The following TOGARAM2 variants were observed in gnomAD, a reference collection of about 807,000 sequenced individuals.
TOGARAM2 encodes the protein TOG array regulator of axonemal microtubules protein 2.
A neutral mutation model predicts 93.3 loss-of-function variants in TOGARAM2; 85 were observed. The observed-to-expected ratio is 0.91, with a 90% CI of 0.76 to 1.09. The LOEUF is 1.09. Ranked by LOEUF, TOGARAM2 falls within the 50% of genes least tolerant of loss-of-function variation. The probability of loss-of-function intolerance (pLI) is 0.00; values close to 1 mark genes in which losing one functional copy is unlikely to be tolerated. For synonymous variants in TOGARAM2, 593 were observed against 552.8 expected, an observed-to-expected ratio of 1.07 and a Z score of -1.02; for missense variants, 1,277 against 1,334.5, an observed-to-expected ratio of 0.96 and a Z score of 0.67.
chr2:29,000,247 C>T (rs1329052854), intron 4 of TOGARAM2, among the ~76,000 whole-genome samples: 2 of 152,122 alleles, frequency 1.3e-5, no homozygotes, highest in African/African-American at 2.4e-5. Flanking sequence ...TCTCAAGAAA[C>T]GTTTGTTGAG....
At chr2:29,002,388 C>T in intron 4 of TOGARAM2, 148 bp from the exon 5 acceptor site, 1 of 667,898 alleles carries the variant, frequency 1.5e-6, no homozygotes, top group East Asian at 2.7e-5. Context: ...CTCAGTCTAC[C>T]AGTGGTGGGG....
At chr2:29,030,442 TGTAACTCTGCCATGCAACGAAAAAAAAA>T (rs1419378998) in intron 14 of TOGARAM2, among the ~76,000 whole-genome samples, 1 of 152,196 alleles carries the variant, frequency 6.6e-6, no homozygotes, top group Non-Finnish European at 1.5e-5. Flanking sequence ...TAAAGTGTTG[TGTAACTCTGCCATGCAACGAAAAAAAAA>T]AGGACGTAGA....
intron 19 of TOGARAM2, chr2:29,050,041 T>C (rs1024467515): frequency 6.6e-6 from 1 of 152,116 alleles, no homozygotes; most frequent in Non-Finnish European, 1.5e-5. Flanking sequence ...GTGGTCCTGA[T>C]GAAGGAAGGA....
chr2:29,006,102 GTGTGTGGAGTGCA>G (rs1663785107), intron 6 of TOGARAM2, among the ~76,000 whole-genome samples: 2 of 58,458 alleles, frequency 3.4e-5, no homozygotes. Flanking sequence ...TGGGGTGCAT[GTGTGTGGAGTGCA>G]TATGTGTGTG....
At chr2:29,041,270 C>A (rs938088969) in intron 18 of TOGARAM2, among the ~76,000 whole-genome samples, 2 of 152,148 alleles carry the variant, frequency 1.3e-5, no homozygotes, top group Non-Finnish European at 2.9e-5. Flanking sequence ...GTGATCTGCT[C>A]ACCTCGGCCT....
chr2:29,004,983 T>C (rs1285313991), intron 6 of TOGARAM2, among the ~76,000 whole-genome samples: 4 of 132,436 alleles, frequency 3.0e-5, no homozygotes, highest in East Asian at 2.3e-4. Context: ...CATGTGTGTA[T>C]GTGTGTGAGT....
chr2:29,029,850 G>A (rs910465368), intron 14 of TOGARAM2, among the ~76,000 whole-genome samples: 2 of 152,026 alleles, frequency 1.3e-5, no homozygotes, highest in Non-Finnish European at 2.9e-5. Context: ...AGGGTTCAAT[G>A]TATACTGCTC....
At chr2:28,976,715 G>T (rs1672044060), upstream of TOGARAM2, among the ~76,000 whole-genome samples, 1 of 152,234 alleles carries the variant, frequency 6.6e-6, no homozygotes, top group Non-Finnish European at 1.5e-5. Context: ...GATAAGAGGG[G>T]CTTGGCCTAG....
upstream of TOGARAM2, among the ~76,000 whole-genome samples, chr2:28,976,370 CAAA>C (rs902723019): frequency 4.2e-5 from 6 of 142,688 alleles, no homozygotes; most frequent in East Asian, 2.2e-4. Context: ...GACTCCATCT[CAAA>C]AACAACAACA....
chr2:29,024,366 G>A lies in TOGARAM2; in HGVS notation c.1845G>A (p.Ala615=), dbSNP rs767136693. Residue 615 remains alanine, a synonymous_variant, in exon 13 of 20, where the codon GCG becomes GCA. Transcript: ENST00000379558. ...LARSLVVLTS[A]GVYHRNPLIR... ...GCTCCCTGGTGGTCCTCACCTCGGC[G>A]GGTGTCTAGTATGTGGCTGCCTGTT... 1.1e-5 allele frequency: 17 copies of A among 1,604,086 alleles called. No individual in the cohort carries two copies. The highest frequency in any genetic ancestry group is 6.9e-5 in the Admixed American group (4 of 58,356).
At chr2:28,968,062 G>A (rs911180638) in intron 1 of TOGARAM2, among the ~76,000 whole-genome samples, 4 of 152,028 alleles carry the variant, frequency 2.6e-5, no homozygotes, top group East Asian at 3.9e-4. Flanking sequence ...CAGGTGATCC[G>A]CCCGCCTTGG....
intron 1 of TOGARAM2, chr2:28,970,975 A>G (rs1330527691): frequency 1.3e-5 from 2 of 152,060 alleles, no homozygotes; most frequent in Non-Finnish European, 2.9e-5. Context: ...CTCCTTGAGG[A>G]GGAAGTGTGT....
At chr2:28,991,168 A>AT (rs1467062084) in intron 1 of TOGARAM2, among the ~76,000 whole-genome samples, 1 of 152,004 alleles carries the variant, frequency 6.6e-6, no homozygotes, top group South Asian at 2.1e-4. Flanking sequence ...TTGTTAGGAC[A>AT]TTTTTTTCAG....
intron 1 of TOGARAM2, among the ~76,000 whole-genome samples, chr2:28,963,835 TTGTC>T (rs1335787240): frequency 6.6e-6 from 1 of 152,098 alleles, no homozygotes; most frequent in African/African-American, 2.4e-5. Flanking sequence ...TGGTGAAAAC[TTGTC>T]TCTACTAAAA....
Position 29,036,766 on chromosome 2 carries a change from C to A in TOGARAM2, c.2635+9C>A. On this transcript the variant is annotated intron_variant, in intron 18 of 19. Coordinates refer to ENST00000379558, the MANE Select transcript of TOGARAM2 (RefSeq NM_199280.4). ...GATGGTTGAGAGCCTGGGTGAGTGT[C>A]CCACGTGGGCCTGTGTGGCTCTGGT... 6.2e-7 allele frequency: 1 copy of A among 1,608,576 alleles called. No individual in the cohort carries two copies. The highest frequency in any genetic ancestry group is 8.5e-7 in the Non-Finnish European group (1 of 1,177,266).
chr2:29,033,830 G>A lies in TOGARAM2; in HGVS notation c.2225+267G>A, dbSNP rs930139884. ...CAGCTGAGTGGGCGGGGTTCCACTAGCATCGGTGGTTGGACTCTCTGTGTG... is the reference window on the plus strand; with the variant it reads ...CAGCTGAGTGGGCGGGGTTCCACTAACATCGGTGGTTGGACTCTCTGTGTG... On this transcript the variant is annotated intron_variant, in intron 16 of 19. Transcript: ENST00000379558. Among the ~76,000 whole-genome samples the A allele has an allele frequency of 7.9e-5, 12 of 152,170 alleles. 1 individual carries two copies. Among genetic ancestry groups the A allele is most frequent in the Admixed American group, 4.6e-4 (7 of 15,278 alleles).
chr2:28,983,959 T>C (rs1232975333), intron 1 of TOGARAM2, among the ~76,000 whole-genome samples: 1 of 152,102 alleles, frequency 6.6e-6, no homozygotes, highest in African/African-American at 2.4e-5. Flanking sequence ...GTTGGGTGCC[T>C]CCCTTCCTCT....
intron 18 of TOGARAM2, 125 bp downstream of exon 18, chr2:29,036,882 G>A: frequency 1.1e-6 from 1 of 946,294 alleles, no homozygotes; most frequent in Non-Finnish European, 1.6e-6. Flanking sequence ...GGCTGTGTAG[G>A]GCAGAGGTGG....
chr2:29,040,711 C>T (rs1219994411), intron 18 of TOGARAM2, among the ~76,000 whole-genome samples: 1 of 152,200 alleles, frequency 6.6e-6, no homozygotes, highest in Non-Finnish European at 1.5e-5. Context: ...AGTGAAAGTG[C>T]TATGTAAATT....
Sources: allele counts gnomAD v4.1 joint callset (sites outside exome capture counted in the v4.1 genomes callset), GRCh38; gene constraint gnomAD v4.1.1; transcripts MANE v1.5; gene names NCBI Gene and HGNC (gene_info 2026-07-23, HGNC 2026-07-21).